MYH4: variants seen among roughly 807,000 people sequenced by gnomAD.
The protein encoded by MYH4 is myosin-4.
MYH4 carries 200 observed loss-of-function variants against 229.9 expected under a neutral mutation model. That is an observed-to-expected ratio of 0.87 (90% confidence interval 0.78 to 0.98). The LOEUF is 0.98. Ranked by LOEUF, MYH4 falls within the 50% of genes least tolerant of loss-of-function variation. The pLI is 0.00. For synonymous variants in MYH4, 761 were observed against 834.6 expected, an observed-to-expected ratio of 0.91 and a Z score of 1.52; for missense variants, 2,148 against 2,332.6, an observed-to-expected ratio of 0.92 and a Z score of 1.63.
At chr17:10,448,202 A>G in intron 33 of MYH4, 76 bp from the exon 34 acceptor site, 2 of 1,430,316 alleles carry the variant, frequency 1.4e-6, no homozygotes, top group Non-Finnish European at 1.9e-6. Flanking sequence ...TTTCCCCAAG[A>G]AGGCATTAAA....
chr17:10,466,767 G>A lies in MYH4; in HGVS notation c.-22C>T. 6.2e-7 allele frequency: 1 copy of A among 1,613,790 alleles called. No homozygotes were observed. The highest frequency in any genetic ancestry group is 8.5e-7 in the Non-Finnish European group (1 of 1,179,668). The stretch of plus-strand genomic sequence containing the variant: ...TCATGGCTGCAGGTTATTGATGGCA[G>A]TACTGGACTAGGTATACCTAGAGGA... On this transcript the variant is annotated 5_prime_UTR_variant, in exon 3 of 40. Coordinates refer to ENST00000255381, the MANE Select transcript of MYH4 (RefSeq NM_017533.2).
rs72816734 is a variant in MYH4, at chr17:10,464,414, T to C, written c.648+58A>G. The C allele has an allele frequency of 1.5e-3, 2,147 of 1,403,068 alleles. 3 individuals carry two copies. Among genetic ancestry groups the C allele is most frequent in the Non-Finnish European group, 2.0e-3 (2,011 of 1,003,150 alleles). The allele number at this position is 1,403,068 out of a possible 1,614,324, so 86.9% of individuals were successfully genotyped here. ...TTCTGTATACAGTCTACTGTTGATG[T>C]GCACGTGGTTAGATTTTAAAATCTG... On this transcript the variant is annotated intron_variant, in intron 7 of 39. Coordinates refer to ENST00000255381, the MANE Select transcript of MYH4 (RefSeq NM_017533.2).
Position 10,456,480 on chromosome 17 carries a change from T to C in MYH4, c.1968+5A>G. 1 of 1,610,806 alleles carries C rather than the reference T, an allele frequency of 6.2e-7. No homozygotes were observed. The highest frequency in any genetic ancestry group is 8.5e-7 in the Non-Finnish European group (1 of 1,177,226). On this transcript the variant is annotated splice_donor_5th_base_variant and intron_variant, in intron 17 of 39. Coordinates refer to ENST00000255381, the MANE Select transcript of MYH4 (RefSeq NM_017533.2). Reference sequence around the variant, plus strand: ...ATTTATCTGTAATTCAAGAATATACTGTACCCTGAAAAGAGCTGACACTGT... The same window carrying C: ...ATTTATCTGTAATTCAAGAATATACCGTACCCTGAAAAGAGCTGACACTGT...
chr17:10,455,403 A>T, intron 19 of MYH4, 108 bp from the exon 20 acceptor site: 1 of 1,364,150 alleles, frequency 7.3e-7, no homozygotes, highest in Non-Finnish European at 1.0e-6. Context: ...TTTGGTGAAC[A>T]AAATGCCATT....
Position 10,453,269 on chromosome 17 carries a change from C to T in MYH4, c.2994G>A (p.Lys998=), listed in dbSNP as rs1597418236. ...GGGCCTCCTGGAGAGCCTTCTTCTC[C>T]TTGGTCAGCTTAGCAATGGTTTCAT... ...GLDETIAKLT[K]EKKALQEAHQ... Residue 998 remains lysine, a synonymous_variant, in exon 24 of 40, where the codon AAG becomes AAA. Transcript: ENST00000255381. The T allele has an allele frequency of 6.2e-7, 1 of 1,614,030 alleles. No individual in the cohort carries two copies. Among genetic ancestry groups the T allele is most frequent in the Non-Finnish European group, 8.5e-7 (1 of 1,180,014 alleles).
intron 4 of MYH4, 92 bp from the exon 5 acceptor site, chr17:10,465,690 T>C: frequency 6.6e-7 from 1 of 1,516,290 alleles, no homozygotes; most frequent in Non-Finnish European, 9.1e-7. Flanking sequence ...AGGACCTAAG[T>C]ACTGTGTTAG....
At chr17:10,445,423 T>C (rs927894967) in intron 35 of MYH4, 61 bp from the exon 36 acceptor site, 3 of 1,601,694 alleles carry the variant, frequency 1.9e-6, no homozygotes, top group Non-Finnish European at 2.6e-6. Context: ...CACATTGTCA[T>C]TTTACCTAGT....
chr17:10,454,673 T>G lies in MYH4; in HGVS notation c.2573A>C (p.Glu858Ala), dbSNP rs1395177031. ...CTCTTCTTTGGTTTTCTCAAATTCT[T>G]CCTTCATGTTGGCCATCTCCTTCTC... The part of the protein sequence containing the change: ...ETEKEMANMK[E>A]EFEKTKEELA... Residue 858 changes from glutamate to alanine, a missense_variant, in exon 22 of 40, where the codon GAA becomes GCA. Glu to Ala is a moderately radical substitution (Grantham distance 107). Transcript: ENST00000255381. 1 of 1,614,124 alleles carries G rather than the reference T, an allele frequency of 6.2e-7. No individual in the cohort carries two copies. Among genetic ancestry groups the G allele is most frequent in the African/African-American group, 1.3e-5 (1 of 74,942 alleles).
At chr17:10,450,255 G>A (rs560669312) in intron 30 of MYH4, among the ~76,000 whole-genome samples, 198 bp downstream of exon 30, 1 of 152,010 alleles carries the variant, frequency 6.6e-6, no homozygotes, top group Middle Eastern at 3.2e-3. Context: ...ATGGGTGGAG[G>A]GATCTGGTCT....
At chr17:10,462,821 TG>T in intron 11 of MYH4, 43 bp downstream of exon 11, 1 of 1,496,866 alleles carries the variant, frequency 6.7e-7, no homozygotes, top group Non-Finnish European at 9.2e-7. Context: ...TGTTGTACAC[TG>T]GAAAATGAAT....
chr17:10,459,806 C>A, intron 14 of MYH4, 146 bp downstream of exon 14: 1 of 1,456,414 alleles, frequency 6.9e-7, no homozygotes, highest in Non-Finnish European at 9.3e-7. Flanking sequence ...CCTATTTATA[C>A]CTATTTACTT....
chr17:10,457,580 G>A lies in MYH4; in HGVS notation c.1737C>T (p.His579=), dbSNP rs751860403. Residue 579 remains histidine, a synonymous_variant, in exon 16 of 40, where the codon CAC becomes CAT. Coordinates refer to ENST00000255381, the MANE Select transcript of MYH4 (RefSeq NM_017533.2). ...TGCCGGCATAGTGCACCAGTGAGAA[G>A]TGAGCCTCAGGCTTGCCTTTGGCAG... ...PKPAKGKPEA[H]FSLVHYAGTV... The A allele has an allele frequency of 1.5e-5, 25 of 1,614,234 alleles. No individual in the cohort carries two copies. The highest frequency in any genetic ancestry group is 2.1e-5 in the Non-Finnish European group (25 of 1,180,040).
At chr17:10,467,053 C>A (rs2072775611) in intron 2 of MYH4, among the ~76,000 whole-genome samples, 1 of 152,214 alleles carries the variant, frequency 6.6e-6, no homozygotes, top group Admixed American at 6.5e-5. Flanking sequence ...AATCAACATT[C>A]AATCAGCAAC....
intron 35 of MYH4, 67 bp downstream of exon 35, chr17:10,446,946 G>C: frequency 6.7e-7 from 1 of 1,488,280 alleles, no homozygotes; most frequent in Non-Finnish European, 9.3e-7. Flanking sequence ...TTATAAACAA[G>C]CTTATCTTCT....
chr17:10,453,449 AC>A, intron 23 of MYH4, 121 bp from the exon 24 acceptor site: 1 of 1,573,536 alleles, frequency 6.4e-7, no homozygotes, highest in Non-Finnish European at 8.6e-7. Context: ...CCAGGAGCTA[AC>A]CCAGGCCTAT....
rs752019463 is a variant in MYH4, at chr17:10,445,113, G to C, written c.5329C>G (p.Gln1777Glu). 1.1e-5 allele frequency: 18 copies of C among 1,614,158 alleles called. No homozygotes were observed. The highest frequency in any genetic ancestry group is 1.4e-5 in the Non-Finnish European group (17 of 1,180,016). ...AMMAEELKKE[Q>E]DTSAHLERMK... ...CGCTCCAGGTGGGCGCTGGTGTCCT[G>C]TTCCTTCTTCAGCTCCTCAGCCATC... The change falls in exon 37 of 40, where the codon CAG becomes GAG. Residue 1777 changes from glutamine to glutamate, a missense_variant. Gln to Glu is a conservative substitution (Grantham distance 29). Transcript: ENST00000255381.
At chr17:10,465,373 C>G in intron 5 of MYH4, 69 bp downstream of exon 5, 3 of 1,556,818 alleles carry the variant, frequency 1.9e-6, no homozygotes, top group Admixed American at 1.7e-5. Flanking sequence ...AATACTAGCC[C>G]TATGTTTTTT....
chr17:10,452,759 G>C, intron 25 of MYH4, 28 bp downstream of exon 25: 1 of 1,582,370 alleles, frequency 6.3e-7, no homozygotes, highest in African/African-American at 1.4e-5. Context: ...ACAACAAGCA[G>C]GTTATAGCTG....
Position 10,447,967 on chromosome 17 carries a change from C to G in MYH4, c.4816G>C (p.Asp1606His). Residue 1606 changes from aspartate (D) to histidine (H), a missense_variant, in exon 34 of 40, where the codon GAT becomes CAT. Coordinates refer to ENST00000255381, the MANE Select transcript of MYH4 (RefSeq NM_017533.2). ...TCATTTCTGCTCCTGATCTCAGCAT[C>G]CAGTGTACTCTGCATTGACTCCACA... ...RVVESMQSTL[D>H]AEIRSRNDAL... The G allele has an allele frequency of 1.2e-6, 2 of 1,614,020 alleles. No homozygotes were observed. Among genetic ancestry groups the G allele is most frequent in the Non-Finnish European group, 1.7e-6 (2 of 1,179,994 alleles).
Sources: allele counts gnomAD v4.1 joint callset (sites outside exome capture counted in the v4.1 genomes callset), GRCh38; gene constraint gnomAD v4.1.1; transcripts MANE v1.5; gene names NCBI Gene and HGNC (gene_info 2026-07-23, HGNC 2026-07-21).